KIF1A: variants seen among roughly 807,000 people sequenced by gnomAD.
KIF1A encodes the protein kinesin family member 1A.
In KIF1A, 46 loss-of-function variants were observed where a neutral mutation model predicts 227.3. The observed-to-expected ratio is 0.20, with a 90% CI of 0.16 to 0.26. KIF1A has a LOEUF of 0.26. Among genes scored for constraint, KIF1A ranks in the 10% least tolerant of loss-of-function variants. KIF1A has a pLI of 1.00. For missense variants in KIF1A, 1,683 were observed against 2,485.9 expected (o/e 0.68, Z 6.87); for synonymous variants, 1,022 against 1,012.8 (o/e 1.01, Z -0.17).
chr2:240,741,565 GGCCTTAGC>G (rs2047974017), intron 34 of KIF1A, among the ~76,000 whole-genome samples, 188 bp from the exon 35 acceptor site: 1 of 152,222 alleles, frequency 6.6e-6, no homozygotes, highest in African/African-American at 2.4e-5. Context: ...GGCACTCTGT[GGCCTTAGC>G]ACGTCACATG....
At chr2:240,801,132 GA>G (rs1463939078) in intron 1 of KIF1A, among the ~76,000 whole-genome samples, 2 of 150,774 alleles carry the variant, frequency 1.3e-5, no homozygotes, top group African/African-American at 4.9e-5. Context: ...AAACAAAGAG[GA>G]AAAATAAAAT....
chr2:240,771,297 A>T, intron 14 of KIF1A, 193 bp from the exon 15 acceptor site: 1 of 701,786 alleles, frequency 1.4e-6, no homozygotes, highest in East Asian at 2.8e-5. Context: ...ACCATCAACG[A>T]GGCACAGCAG....
At chr2:240,816,066 G>A (rs1559552216) in intron 1 of KIF1A, among the ~76,000 whole-genome samples, 1 of 152,120 alleles carries the variant, frequency 6.6e-6, no homozygotes, top group South Asian at 2.1e-4. Context: ...ATTTGAGGGG[G>A]ACCTAAAACC....
chr2:240,722,160 T>C lies in KIF1A; in HGVS notation c.4666-276A>G, dbSNP rs564080894. On this transcript the variant is annotated intron_variant, in intron 43 of 48. Coordinates refer to ENST00000498729, the MANE Select transcript of KIF1A (RefSeq NM_001244008.2). Reference sequence around the variant, plus strand: ...CGCAGGAAGCCTTCCCAGAGGCCCGTTCAGCCGCCAAAAGAGCCACTTGTG... The same window carrying C: ...CGCAGGAAGCCTTCCCAGAGGCCCGCTCAGCCGCCAAAAGAGCCACTTGTG... Among the ~76,000 whole-genome samples the C allele has an allele frequency of 7.1e-4, 108 of 152,288 alleles. 7 individuals carry two copies. In the South Asian group the frequency reaches 0.022, roughly 31 times the overall value.
chr2:240,756,347 C>T (rs573080468), intron 27 of KIF1A, among the ~76,000 whole-genome samples: 2 of 152,310 alleles, frequency 1.3e-5, no homozygotes, highest in South Asian at 4.1e-4. Context: ...GTGAGCTGAC[C>T]TTCTGACTAC....
At chr2:240,813,584 C>T (rs377249392) in intron 1 of KIF1A, among the ~76,000 whole-genome samples, 130 of 152,268 alleles carry the variant, frequency 8.5e-4, no homozygotes, top group African/African-American at 2.9e-3. Flanking sequence ...GAATGCAGTA[C>T]CCCTCATTCT....
chr2:240,719,727 G>A, intron 46 of KIF1A, 47 bp downstream of exon 46: 1 of 1,482,312 alleles, frequency 6.7e-7, no homozygotes, highest in Non-Finnish European at 9.0e-7. Context: ...CCTGTCCCCT[G>A]TCAGCACAGA....
chr2:240,804,946 C>T (rs2057254458), intron 1 of KIF1A, among the ~76,000 whole-genome samples: 1 of 151,022 alleles, frequency 6.6e-6, no homozygotes. Flanking sequence ...TGAAATATTA[C>T]CAAACACTGG....
upstream of KIF1A, among the ~76,000 whole-genome samples, chr2:240,820,676 G>A (rs2058659746): frequency 1.3e-5 from 2 of 151,614 alleles, no homozygotes; most frequent in Non-Finnish European, 2.9e-5. This position sits in a 1 kb window ranked among gnomAD's most constrained non-coding sequence, Gnocchi z 6.2. Flanking sequence ...TGGGGGGCGG[G>A]CGGGGCTGGG....
intron 45 of KIF1A, 130 bp downstream of exon 45, chr2:240,720,784 G>T: frequency 1.7e-6 from 2 of 1,167,666 alleles, no homozygotes; most frequent in Non-Finnish European, 2.4e-6. Context: ...CCTTCCCTCA[G>T]CCTGTGGCCA....
intron 1 of KIF1A, among the ~76,000 whole-genome samples, chr2:240,802,883 G>T (rs1383811316): frequency 6.6e-6 from 1 of 152,144 alleles, no homozygotes; most frequent in East Asian, 1.9e-4. Flanking sequence ...TCCCATCTCA[G>T]CTCCCCAAAG....
chr2:240,802,466 A>C (rs918518405), intron 1 of KIF1A, among the ~76,000 whole-genome samples: 5 of 152,252 alleles, frequency 3.3e-5, no homozygotes, highest in African/African-American at 1.2e-4. Flanking sequence ...GTATGAATTA[A>C]ATACACCAAG....
Position 240,736,078 on chromosome 2 carries a change from T to C in KIF1A, c.4007+985A>G, listed in dbSNP as rs533285141. ...TCCTTACTGCAGTGCTAAGCCCCGA[T>C]AGCCCACTTTCTGGGTGTTGCTGAT... is the stretch of plus-strand genomic sequence containing the variant. On this transcript the variant is annotated intron_variant, in intron 38 of 48. Transcript: ENST00000498729. The surrounding 1 kb of genome is among the most constrained non-coding windows in gnomAD (Gnocchi z 4.7). 6.6e-5 allele frequency among the ~76,000 whole-genome samples: 10 copies of C among 151,240 alleles called. 1 individual carries two copies. Among genetic ancestry groups the C allele is most frequent in the South Asian group, 6.3e-4 (3 of 4,764 alleles).
Position 240,773,197 on chromosome 2 carries a change from T to C in KIF1A, c.1097A>G (p.Asn366Ser). ...CNAVINEDPNNKLIRELKDEV... is the reference protein window; with the variant it reads ...CNAVINEDPNSKLIRELKDEV... Reference sequence around the variant, plus strand: ...ATCCTTCAGCTCGCGGATCAGCTTGTTGTTGGGGTCCTCATTGATGACAGC... The same window carrying C: ...ATCCTTCAGCTCGCGGATCAGCTTGCTGTTGGGGTCCTCATTGATGACAGC... Residue 366 changes from asparagine (N) to serine (S), a missense_variant, in exon 13 of 49, where the codon AAC becomes AGC. This residue lies in a region of KIF1A where 110 missense variants were observed against 133.1 expected (regional missense o/e 0.83). Transcript: ENST00000498729. 1.2e-6 allele frequency: 2 copies of C among 1,613,922 alleles called. No homozygotes were observed. Among genetic ancestry groups the C allele is most frequent in the Non-Finnish European group, 1.7e-6 (2 of 1,179,848 alleles).
At chr2:240,782,568 G>A (rs1361298640) in intron 10 of KIF1A, 22 bp downstream of exon 10, 26 of 1,551,302 alleles carry the variant, frequency 1.7e-5, no homozygotes, top group Middle Eastern at 1.7e-4. Context: ...CACCTGCCCC[G>A]GGGCTGAAGG....
chr2:240,719,872 C>T lies in KIF1A; in HGVS notation c.4923G>A (p.Glu1641=), dbSNP rs772261807. The T allele has an allele frequency of 1.2e-6, 2 of 1,611,908 alleles. No individual in the cohort carries two copies. The highest frequency in any genetic ancestry group is 2.2e-5 in the East Asian group (1 of 44,852). The change falls in exon 46 of 49, where the codon GAG becomes GAA. Residue 1641 remains glutamate (E), a synonymous_variant. Coordinates refer to ENST00000498729, the MANE Select transcript of KIF1A (RefSeq NM_001244008.2). ...PASPEPELLP[E]ADSKKLPSPA... ...GGGAAGGGAGCTTCTTGGAGTCGGC[C>T]TCTGGCAGCAGCTCGGGCTCTGGGC... is the stretch of plus-strand genomic sequence containing the variant.
chr2:240,717,259 C>T lies in KIF1A; in HGVS notation c.*105G>A, dbSNP rs548422454. On this transcript the variant is annotated 3_prime_UTR_variant, in exon 49 of 49. Coordinates refer to ENST00000498729, the MANE Select transcript of KIF1A (RefSeq NM_001244008.2). ...GCGTCCCCTGGGGGGTCGACCCGGTCGTGGGCTGTCTGGCAGGAGAGGGGC... is the reference window on the plus strand; with the variant it reads ...GCGTCCCCTGGGGGGTCGACCCGGTTGTGGGCTGTCTGGCAGGAGAGGGGC... 4.6e-5 allele frequency: 53 copies of T among 1,152,788 alleles called. No homozygotes were observed. In the African/African-American group the frequency reaches 6.0e-4, roughly 13 times the overall value. The allele number at this position is 1,152,788 out of a possible 1,614,324, so 71.4% of individuals were successfully genotyped here. A position where few individuals can be genotyped will look rare whatever the true frequency, so the allele number is the denominator to read the frequency against.
chr2:240,748,788 G>A (rs2048887091), intron 28 of KIF1A: 2 of 205,514 alleles, frequency 9.7e-6, no homozygotes, highest in South Asian at 1.2e-4. Flanking sequence ...GCCAGTGGGA[G>A]GTGCTATAAA....
rs1051638931 is a variant in KIF1A, at chr2:240,766,115, G to A, written c.1685-322C>T. ...ACAAGGATAAAAACACCAGCTAATG[G>A]GGCCTGGGCCGTCCCACAGGAGAGG... On this transcript the variant is annotated intron_variant, in intron 19 of 48. Transcript: ENST00000498729. The surrounding 1 kb of genome is among the most constrained non-coding windows in gnomAD (Gnocchi z 5.0). 6.6e-6 allele frequency among the ~76,000 whole-genome samples: 1 copy of A among 152,254 alleles called. No individual in the cohort carries two copies. Among genetic ancestry groups the A allele is most frequent in the Non-Finnish European group, 1.5e-5 (1 of 68,040 alleles).
Sources: gnomAD v4.1 joint callset for allele counts (sites outside exome capture counted in the v4.1 genomes callset) on GRCh38, gnomAD v4.1.1 for gene constraint, gnomAD v4.1.1 regional missense constraint, Gnocchi (gnomAD v3.1) non-coding constraint, MANE v1.5 for transcripts, NCBI Gene and HGNC (gene_info 2026-07-23, HGNC 2026-07-21) for gene names.